PSTK: variants seen among roughly 807,000 people sequenced by gnomAD.
The protein encoded by PSTK is L-seryl-tRNA(Sec) kinase.
In PSTK, 26 loss-of-function variants were observed where a neutral mutation model predicts 38.6. The ratio of observed to expected loss-of-function variants is 0.67; its 90% CI spans 0.49 to 0.94. The LOEUF (loss-of-function observed/expected upper bound fraction) is 0.94, where lower values mean the gene tolerates loss of function less well. Among genes scored for constraint, PSTK ranks in the 40% least tolerant of loss-of-function variants. The pLI is 0.00. For missense variants in PSTK, 445 were observed against 436.3 expected, an observed-to-expected ratio of 1.02 and a Z score of -0.18; for synonymous variants, 181 against 161.7, an observed-to-expected ratio of 1.12 and a Z score of -0.91.
At chr10:122,982,462 A>G (rs1848973810) in intron 1 of PSTK, 2 of 451,788 alleles carry the variant, frequency 4.4e-6, no homozygotes, top group South Asian at 2.7e-5. Flanking sequence ...AGATATATGT[A>G]TAGAATGGGG....
intron 3 of PSTK, chr10:122,984,457 T>C (rs533417233): frequency 4.6e-5 from 7 of 152,346 alleles, no homozygotes; most frequent in South Asian, 2.1e-4. Flanking sequence ...TTGGGTTACA[T>C]TGGGAACAGT....
chr10:122,982,806 G>A lies in PSTK; in HGVS notation c.290G>A (p.Gly97Glu). 6.2e-7 allele frequency: 1 copy of A among 1,614,114 alleles called. No individual in the cohort carries two copies. The highest frequency in any genetic ancestry group is 2.2e-5 in the East Asian group (1 of 44,888). The stretch of plus-strand genomic sequence containing the variant: ...TACTTCTTGATGGCTGTCATTAATG[G>A]GTGTCAGATGTCTGTCCCACCCAAC... ...LEYFLMAVIN[G>E]CQMSVPPNRT... The change falls in exon 2 of 6, where the codon GGG becomes GAG. Residue 97 changes from glycine (G) to glutamate (E), a missense_variant. Coordinates refer to ENST00000406217, the MANE Select transcript of PSTK (RefSeq NM_001363531.2).
At chr10:122,989,046 T>C (rs1167946522) in intron 5 of PSTK, among the ~76,000 whole-genome samples, 1 of 152,042 alleles carries the variant, frequency 6.6e-6, no homozygotes, top group African/African-American at 2.4e-5. Context: ...CAATGTGGAA[T>C]AACCTTGAAA....
In PSTK at chr10:122,990,265, C is replaced by CA; in HGVS notation, c.975dup (p.Tyr326IlefsTer9). On this transcript the variant is annotated frameshift_variant, in exon 6 of 6. Transcript: ENST00000406217. LOFTEE classifies it high-confidence loss of function. ...TTTTGGAAGACCTAAAACAAGGAAACAAAAAATATCTGTGCTTTCAGCAAA... is the reference window on the plus strand; with the variant it reads ...TTTTGGAAGACCTAAAACAAGGAAACAAAAAAATATCTGTGCTTTCAGCAAA... The CA allele has an allele frequency of 6.5e-7, 1 of 1,538,708 alleles. No individual in the cohort carries two copies. The highest frequency in any genetic ancestry group is 8.7e-7 in the Non-Finnish European group (1 of 1,143,036).
chr10:122,988,843 G>A (rs1849069888), intron 5 of PSTK, among the ~76,000 whole-genome samples: 1 of 152,110 alleles, frequency 6.6e-6, no homozygotes, highest in African/African-American at 2.4e-5. Context: ...CCATTCTCAG[G>A]TGTATACCCA....
At position 122,990,238 on chromosome 10, in the gene PSTK, GT is replaced by G; in HGVS notation, c.947del (p.Leu316TrpfsTer4). Reference protein sequence around the residue: ...AEELNKLKAEFLEDLKQGNKK... With the variant: ...AEELNKLKAEXLEDLKQGNKK... ...AAGAACTTAACAAGCTCAAAGCAGA[GT>G]TTTTGGAAGACCTAAAACAAGGAAA... is the stretch of plus-strand genomic sequence containing the variant. On this transcript the variant is annotated frameshift_variant, in exon 6 of 6. Coordinates refer to ENST00000406217, the MANE Select transcript of PSTK (RefSeq NM_001363531.2). LOFTEE classifies it high-confidence loss of function. 8.4e-6 allele frequency: 13 copies of G among 1,542,366 alleles called. No individual in the cohort carries two copies. The highest frequency in any genetic ancestry group is 1.1e-5 in the Non-Finnish European group (13 of 1,144,530).
chr10:122,987,140 A>C (rs959266875), intron 5 of PSTK, among the ~76,000 whole-genome samples, 178 bp downstream of exon 5: 1 of 152,228 alleles, frequency 6.6e-6, no homozygotes, highest in Admixed American at 6.5e-5. Context: ...CTGAGTGTTC[A>C]TCCATCCAAC....
In PSTK at chr10:122,987,415, T is replaced by TA. The variant is rs767917711; in HGVS notation, c.877+454dup. ...CATGCAGCTATCTGGAGGATCATTCTAGGCAATGAACACATCAAGTGCAGA... is the reference window on the plus strand; with the variant it reads ...CATGCAGCTATCTGGAGGATCATTCTAAGGCAATGAACACATCAAGTGCAGA... On this transcript the variant is annotated intron_variant, in intron 5 of 5. Transcript: ENST00000406217. 19 of 1,614,078 alleles carry TA rather than the reference T, an allele frequency of 1.2e-5. No homozygotes were observed. The East Asian group carries it at 4.2e-4, about 36-fold the overall frequency.
chr10:122,987,110 TA>T, intron 5 of PSTK, 148 bp downstream of exon 5: 1 of 889,906 alleles, frequency 1.1e-6, no homozygotes, highest in African/African-American at 1.7e-5. Context: ...TAAATGTAAC[TA>T]AAAATTCTAC....
chr10:122,985,290 C>G (rs910016021), intron 3 of PSTK: 5 of 152,300 alleles, frequency 3.3e-5, no homozygotes, highest in African/African-American at 1.2e-4. Flanking sequence ...CCTTCACTGA[C>G]CATCCTAACT....
In PSTK at chr10:122,980,735, C is replaced by CGGGGCGGGTCGGGGCGGGGT; in HGVS notation, c.216+48_216+49insTCGGGGCGGGGTGGGGCGGG. Reference sequence around the variant, plus strand: ...GCGGGGCCTGGGCCGCGGGGCGGGGCGGGGCGGGGCGGGGCGGGGCGGGGA... The same window carrying CGGGGCGGGTCGGGGCGGGGT: ...GCGGGGCCTGGGCCGCGGGGCGGGGCGGGGCGGGTCGGGGCGGGGTGGGGCGGGGCGGGGCGGGGCGGGGA... On this transcript the variant is annotated intron_variant, in intron 1 of 5. Transcript: ENST00000406217. The surrounding 1 kb of genome is among the most constrained non-coding windows in gnomAD (Gnocchi z 4.3). 1 of 133,346 alleles carries CGGGGCGGGTCGGGGCGGGGT rather than the reference C, an allele frequency of 7.5e-6. No homozygotes were observed. The highest frequency in any genetic ancestry group is 8.8e-6 in the Non-Finnish European group (1 of 114,042). The allele number at this position is 133,346 out of a possible 1,614,324, so 8.3% of individuals were successfully genotyped here.
rs906134929 is a variant in PSTK, at chr10:122,990,277, G to A, written c.981G>A (p.Leu327=). ...TAAAACAAGGAAACAAAAAATATCT[G>A]TGCTTTCAGCAAACCATTGACATAC... The part of the protein sequence containing the change: ...EDLKQGNKKY[L]CFQQTIDIPD... The change falls in exon 6 of 6, where the codon CTG becomes CTA. Residue 327 remains leucine, a synonymous_variant. Coordinates refer to ENST00000406217, the MANE Select transcript of PSTK (RefSeq NM_001363531.2). The A allele has an allele frequency of 1.1e-5, 17 of 1,539,440 alleles. No individual in the cohort carries two copies. Among genetic ancestry groups the A allele is most frequent in the Non-Finnish European group, 1.4e-5 (16 of 1,143,066 alleles).
chr10:122,990,203 C>T lies in PSTK; in HGVS notation c.907C>T (p.Leu303Phe). Residue 303 changes from leucine (L) to phenylalanine (F), a missense_variant, in exon 6 of 6, where the codon CTT becomes TTT. Leu to Phe is a conservative substitution (Grantham distance 22). Transcript: ENST00000406217. Reference sequence around the variant, plus strand: ...ACAAGTGCTTCCTCACAACTTGAAGCTTCTAGCAGAAGAACTTAACAAGCT... The same window carrying T: ...ACAAGTGCTTCCTCACAACTTGAAGTTTCTAGCAGAAGAACTTAACAAGCT... ...DEQVLPHNLK[L>F]LAEELNKLKA... The T allele has an allele frequency of 6.6e-7, 1 of 1,526,496 alleles. No homozygotes were observed. Among genetic ancestry groups the T allele is most frequent in the Non-Finnish European group, 8.8e-7 (1 of 1,140,540 alleles). The allele number at this position is 1,526,496 out of a possible 1,614,324, so 94.6% of individuals were successfully genotyped here. A position where few individuals can be genotyped will look rare whatever the true frequency, so the allele number is the denominator to read the frequency against.
At chr10:122,983,052 A>G in intron 2 of PSTK, 28 bp downstream of exon 2, 1 of 1,570,050 alleles carries the variant, frequency 6.4e-7, no homozygotes, top group Non-Finnish European at 8.7e-7. Flanking sequence ...TTTCTTACAC[A>G]TGGAGATACT....
At position 122,980,466 on chromosome 10, in the gene PSTK, T is replaced by G. The variant is rs1848938783; in HGVS notation, c.-14T>G. The stretch of plus-strand genomic sequence containing the variant: ...AGACGACGCTCCCAGACTCCTCCGG[T>G]CTCCCCGGGCAGCATGAAGACCGCC... On this transcript the variant is annotated 5_prime_UTR_variant, in exon 1 of 6. Transcript: ENST00000406217. This position sits in a 1 kb window ranked among gnomAD's most constrained non-coding sequence, Gnocchi z 4.3. 5 of 1,576,406 alleles carry G rather than the reference T, an allele frequency of 3.2e-6. No individual in the cohort carries two copies. Among genetic ancestry groups the G allele is most frequent in the Non-Finnish European group, 2.6e-6 (3 of 1,165,086 alleles).
At position 122,990,248 on chromosome 10, in the gene PSTK, G is replaced by A; in HGVS notation, c.952G>A (p.Asp318Asn). 1.3e-6 allele frequency: 2 copies of A among 1,541,720 alleles called. No individual in the cohort carries two copies. Among genetic ancestry groups the A allele is most frequent in the Admixed American group, 4.1e-5 (2 of 48,916 alleles). The change falls in exon 6 of 6, where the codon GAC becomes AAC. Residue 318 changes from aspartate (D) to asparagine (N), a missense_variant. Asp to Asn is a conservative substitution (Grantham distance 23). Coordinates refer to ENST00000406217, the MANE Select transcript of PSTK (RefSeq NM_001363531.2). ...CAAGCTCAAAGCAGAGTTTTTGGAA[G>A]ACCTAAAACAAGGAAACAAAAAATA... Reference protein sequence around the residue: ...LNKLKAEFLEDLKQGNKKYLC... With the variant: ...LNKLKAEFLENLKQGNKKYLC...
Position 122,980,784 on chromosome 10 carries a change from G to A in PSTK, c.216+89G>A, listed in dbSNP as rs1015123949. On this transcript the variant is annotated intron_variant, in intron 1 of 5. Transcript: ENST00000406217. This position sits in a 1 kb window ranked among gnomAD's most constrained non-coding sequence, Gnocchi z 4.3. ...GACACTCGCGTCCACGCGGTCCTGG[G>A]TGATTTGCCATGAGCGCCCATTGCT... The A allele has an allele frequency of 1.5e-6, 2 of 1,292,126 alleles. No homozygotes were observed. The highest frequency in any genetic ancestry group is 9.8e-7 in the Non-Finnish European group (1 of 1,025,406). The allele number at this position is 1,292,126 out of a possible 1,614,324, so 80.0% of individuals were successfully genotyped here.
intron 5 of PSTK, chr10:122,987,624 T>C (rs1849054305): frequency 7.2e-7 from 1 of 1,385,718 alleles, no homozygotes; most frequent in Non-Finnish European, 9.6e-7. Context: ...AACTAGAGTT[T>C]TACACAGTAA....
chr10:122,988,968 T>C (rs138601409), intron 5 of PSTK, among the ~76,000 whole-genome samples: 18 of 152,174 alleles, frequency 1.2e-4, no homozygotes, highest in Admixed American at 1.2e-3. Context: ...ACCAACAAAA[T>C]TTGGTGTATC....
Sources: gnomAD v4.1 joint callset for allele counts (sites outside exome capture counted in the v4.1 genomes callset) on GRCh38, gnomAD v4.1.1 for gene constraint, Gnocchi (gnomAD v3.1) non-coding constraint, MANE v1.5 for transcripts, NCBI Gene and HGNC (gene_info 2026-07-23, HGNC 2026-07-21) for gene names.